Variants in EPHX4 observed in about 807,000 individuals in gnomAD.
The protein encoded by EPHX4 is epoxide hydrolase 4.
In EPHX4, 31 loss-of-function variants were observed where a neutral mutation model predicts 44.9. The ratio of observed to expected loss-of-function variants is 0.69; its 90% CI spans 0.52 to 0.93. The LOEUF (loss-of-function observed/expected upper bound fraction) is 0.93. EPHX4 is among the 40% of genes least tolerant of loss of function. The probability of loss-of-function intolerance (pLI) is 0.00; values close to 1 mark genes in which losing one functional copy is unlikely to be tolerated. For synonymous variants in EPHX4, 151 were observed against 159.7 expected (o/e 0.95, Z 0.41); for missense variants, 373 against 438.1 (o/e 0.85, Z 1.33).
chr1:92,033,997 C>CT (rs36075635), intron 2 of EPHX4, among the ~76,000 whole-genome samples: 15,105 of 108,964 alleles, frequency 0.14, 1,185 homozygotes, highest in African/African-American at 0.17. Context: ...CATGTTTAAA[C>CT]TTTTTTTTTT....
intron 6 of EPHX4, among the ~76,000 whole-genome samples, chr1:92,053,172 A>G (rs1386080303): frequency 6.6e-6 from 1 of 152,224 alleles, no homozygotes; most frequent in Non-Finnish European, 1.5e-5. Context: ...AACTGAGGAA[A>G]TAATGTTAGA....
intron 6 of EPHX4, among the ~76,000 whole-genome samples, chr1:92,053,549 A>T (rs1647301616): frequency 6.6e-6 from 1 of 152,220 alleles, no homozygotes; most frequent in Non-Finnish European, 1.5e-5. Flanking sequence ...TAAATGTGGG[A>T]AAACTGCAGC....
chr1:92,035,602 G>A (rs1049580834), intron 2 of EPHX4, among the ~76,000 whole-genome samples: 1 of 152,112 alleles, frequency 6.6e-6, no homozygotes, highest in Non-Finnish European at 1.5e-5. Flanking sequence ...TATGAGCCAG[G>A]CACTCTCTTT....
intron 6 of EPHX4, among the ~76,000 whole-genome samples, chr1:92,060,185 G>A (rs1336563326): frequency 6.6e-6 from 1 of 151,924 alleles, no homozygotes; most frequent in African/African-American, 2.4e-5. Context: ...GAGGTGGGAG[G>A]ATTGCTTGAA....
In EPHX4 at chr1:92,063,171, A is replaced by G. The variant is rs370091300; in HGVS notation, c.974A>G (p.Tyr325Cys). ...AEVTKIYVKN[Y>C]FRLTILSEAS... ...GTCACAAAGATTTATGTTAAAAACT[A>G]TTTCAGGCTAACTATTTTGTCAGAA... is the stretch of plus-strand genomic sequence containing the variant. The change falls in exon 7 of 7, where the codon TAT (tyrosine) becomes TGT (cysteine). Residue 325 changes from tyrosine (Y) to cysteine (C), a missense_variant. Coordinates refer to ENST00000370383, the MANE Select transcript of EPHX4 (RefSeq NM_173567.5). The G allele has an allele frequency of 1.9e-6, 3 of 1,614,174 alleles. No homozygotes were observed. Among genetic ancestry groups the G allele is most frequent in the East Asian group, 2.2e-5 (1 of 44,884 alleles).
chr1:92,055,315 G>C (rs1050345994), intron 6 of EPHX4, among the ~76,000 whole-genome samples: 2 of 152,038 alleles, frequency 1.3e-5, no homozygotes, highest in Admixed American at 1.3e-4. Flanking sequence ...TAAAGCACAA[G>C]GACACAAAAT....
chr1:92,047,840 G>A (rs556153381), intron 4 of EPHX4, among the ~76,000 whole-genome samples: 2 of 152,240 alleles, frequency 1.3e-5, no homozygotes, highest in South Asian at 2.1e-4. Flanking sequence ...TTGACCACCT[G>A]GATACCTTAA....
At chr1:92,032,093 A>G (rs1026056888) in intron 1 of EPHX4, among the ~76,000 whole-genome samples, 2 of 152,252 alleles carry the variant, frequency 1.3e-5, no homozygotes, top group African/African-American at 4.8e-5. Flanking sequence ...AATTATTTAC[A>G]TGTCCTGCAG....
intron 3 of EPHX4, chr1:92,043,407 A>G (rs1435198965): frequency 1.3e-5 from 2 of 151,244 alleles, no homozygotes; most frequent in Non-Finnish European, 2.9e-5. Context: ...GTGAGCTAAG[A>G]TCGTGCCGTT....
intron 2 of EPHX4, among the ~76,000 whole-genome samples, chr1:92,037,798 T>C (rs993471669): frequency 6.6e-6 from 1 of 152,218 alleles, no homozygotes; most frequent in Non-Finnish European, 1.5e-5. Context: ...TGCTATTACC[T>C]AAAGCTACCA....
intron 1 of EPHX4, among the ~76,000 whole-genome samples, chr1:92,031,638 A>C (rs901940838): frequency 1.3e-5 from 2 of 152,178 alleles, no homozygotes; most frequent in Non-Finnish European, 2.9e-5. Flanking sequence ...CTGAAAACTC[A>C]GTTGCTTGAG....
intron 3 of EPHX4, 64 bp from the exon 4 acceptor site, chr1:92,045,468 G>A: frequency 6.4e-7 from 1 of 1,571,822 alleles, no homozygotes; most frequent in South Asian, 1.1e-5. Context: ...ACTATTTTAT[G>A]TGAGGTAACA....
chr1:92,059,764 A>G (rs1247516698), intron 6 of EPHX4, among the ~76,000 whole-genome samples: 1 of 152,222 alleles, frequency 6.6e-6, no homozygotes, highest in East Asian at 1.9e-4. Context: ...GAATGACTCT[A>G]ACAAAAGATG....
intron 6 of EPHX4, among the ~76,000 whole-genome samples, chr1:92,058,355 C>T (rs1647417086): frequency 1.3e-5 from 2 of 151,270 alleles, no homozygotes; most frequent in South Asian, 4.2e-4. Flanking sequence ...GCAGGAGAAT[C>T]AGTTGAACCT....
intron 1 of EPHX4, 146 bp downstream of exon 1, chr1:92,030,456 TC>T (rs55978071): frequency 1.8e-5 from 5 of 270,754 alleles, no homozygotes; most frequent in African/African-American, 1.0e-4. Context: ...TCCCTGTGTG[TC>T]GTGTGTGTGT....
At chr1:92,055,128 G>A (rs1289832483) in intron 6 of EPHX4, among the ~76,000 whole-genome samples, 1 of 151,902 alleles carries the variant, frequency 6.6e-6, no homozygotes, top group African/African-American at 2.4e-5. Context: ...AGGCAGAAAG[G>A]GAGAAAAAGA....
chr1:92,037,683 G>A (rs1688459686), intron 2 of EPHX4, among the ~76,000 whole-genome samples: 5 of 152,186 alleles, frequency 3.3e-5, no homozygotes, highest in Admixed American at 3.3e-4. Context: ...GTAAAGAGGA[G>A]GAGGATAGTC....
In EPHX4 at chr1:92,055,684, GT is replaced by G. The variant is rs533775754; in HGVS notation, c.857+3035del. Among the ~76,000 whole-genome samples the G allele has an allele frequency of 8.0e-5, 12 of 150,270 alleles. No individual in the cohort carries two copies. In the South Asian group the frequency reaches 1.1e-3, roughly 13 times the overall value. On this transcript the variant is annotated intron_variant, in intron 6 of 6. Coordinates refer to ENST00000370383, the MANE Select transcript of EPHX4 (RefSeq NM_173567.5). ...TGTTTGTTTTTGTTTTTTGTTTTCT[GT>G]TTTTTTTTACAAATAACGTAAAGAG...
In EPHX4 at chr1:92,050,383, G is replaced by T. The variant is rs773639389; in HGVS notation, c.671G>T (p.Trp224Leu). The T allele has an allele frequency of 6.2e-7, 1 of 1,603,480 alleles. No individual in the cohort carries two copies. The highest frequency in any genetic ancestry group is 1.1e-5 in the South Asian group (1 of 89,032). Residue 224 changes from tryptophan (W) to leucine (L), a missense_variant, in exon 5 of 7, where the codon TGG becomes TTG. Physicochemically the swap from Trp to Leu is moderately conservative, Grantham distance 61. Coordinates refer to ENST00000370383, the MANE Select transcript of EPHX4 (RefSeq NM_173567.5). Reference protein sequence around the residue: ...SSYYYFFQIPWFPEFMFSIND... With the variant: ...SSYYYFFQIPLFPEFMFSIND... ...TATTATTACTTCTTCCAAATACCATGGTTCCCAGAATTTATGTTCTCAATA... is the reference window on the plus strand; with the variant it reads ...TATTATTACTTCTTCCAAATACCATTGTTCCCAGAATTTATGTTCTCAATA...
Sources: allele counts gnomAD v4.1 joint callset (sites outside exome capture counted in the v4.1 genomes callset), GRCh38; gene constraint gnomAD v4.1.1; transcripts MANE v1.5; gene names NCBI Gene and HGNC (gene_info 2026-07-23, HGNC 2026-07-21).